The following SRSF7 variants were observed in gnomAD, a reference collection of about 807,000 sequenced individuals.
The protein encoded by SRSF7 is serine/arginine-rich splicing factor 7.
Under a neutral mutation model 42.2 loss-of-function variants are expected in SRSF7, and 15 were observed. The observed-to-expected ratio is 0.36, with a 90% CI of 0.24 to 0.55. SRSF7 has a LOEUF of 0.55. SRSF7 is among the 20% of genes least tolerant of loss of function. The pLI is 0.88. For synonymous variants in SRSF7, 138 were observed against 107.9 expected (o/e 1.28, Z -1.73); for missense variants, 181 against 305.9 (o/e 0.59, Z 3.04).
At chr2:38,748,484 C>T in intron 4 of SRSF7, 95 bp downstream of exon 4, 3 of 1,278,790 alleles carry the variant, frequency 2.3e-6, no homozygotes, top group East Asian at 4.6e-5. Context: ...CAGAGCAAGA[C>T]CCTGTCTCCA....
intron 5 of SRSF7, 47 bp downstream of exon 5, chr2:38,748,000 A>C (rs1667725339): frequency 7.4e-7 from 1 of 1,357,852 alleles, no homozygotes; most frequent in South Asian, 1.2e-5. Flanking sequence ...TCTACTGATA[A>C]GATGTGAACA....
At position 38,750,207 on chromosome 2, in the gene SRSF7, G is replaced by C. The variant is rs759550199; in HGVS notation, c.29-13C>G. On this transcript the variant is annotated splice_polypyrimidine_tract_variant and intron_variant, in intron 1 of 7. Coordinates refer to ENST00000313117, the MANE Select transcript of SRSF7 (RefSeq NM_001031684.3). ...TACACCTTGGTTTCTGTTTAAAAAC[G>C]CAAATAGAAGAATGCACGTTACGCA... 1.3e-6 allele frequency: 2 copies of C among 1,580,774 alleles called. No individual in the cohort carries two copies. The highest frequency in any genetic ancestry group is 1.2e-5 in the South Asian group (1 of 86,078).
chr2:38,746,565 A>C (rs983279873), intron 6 of SRSF7, 129 bp downstream of exon 6: 10 of 1,342,000 alleles, frequency 7.5e-6, no homozygotes, highest in African/African-American at 1.5e-5. Context: ...TACACAAATA[A>C]GGTACTGTGT....
Position 38,748,625 on chromosome 2 carries a change from T to C in SRSF7, c.415A>G (p.Arg139Gly). The part of the protein sequence containing the change: ...RSRSRSHSRS[R>G]GRRYSRSRSR... ...CGTGAGCGAGAGTATCGCCTTCCTC[T>C]GGATCGAGAATGTGATCTAGACCGT... Residue 139 changes from arginine (R) to glycine (G), a missense_variant, in exon 4 of 8, where the codon AGA becomes GGA. Coordinates refer to ENST00000313117, the MANE Select transcript of SRSF7 (RefSeq NM_001031684.3). 2 of 1,614,246 alleles carry C rather than the reference T, an allele frequency of 1.2e-6. No homozygotes were observed. The highest frequency in any genetic ancestry group is 1.7e-6 in the Non-Finnish European group (2 of 1,180,050).
chr2:38,746,869 T>C, intron 5 of SRSF7, 122 bp from the exon 6 acceptor site: 2 of 1,492,878 alleles, frequency 1.3e-6, no homozygotes, highest in Non-Finnish European at 1.8e-6. Context: ...GATGCAACAC[T>C]TGCCTTATTC....
chr2:38,750,136 C>T lies in SRSF7; in HGVS notation c.87G>A (p.Arg29=). The T allele has an allele frequency of 6.2e-7, 1 of 1,612,892 alleles. No individual in the cohort carries two copies. The highest frequency in any genetic ancestry group is 8.5e-7 in the Non-Finnish European group (1 of 1,179,520). The change falls in exon 2 of 8, where the codon AGG becomes AGA. Residue 29 remains arginine, a synonymous_variant. Coordinates refer to ENST00000313117, the MANE Select transcript of SRSF7 (RefSeq NM_001031684.3). ...GTGAGKGELE[R]AFSYYGPLRT... ...TTAAAGGACCATAATAACTGAAAGC[C>T]CTTTCTAACTCTCCTTTGCCAGCGC... is the stretch of plus-strand genomic sequence containing the variant.
Position 38,750,172 on chromosome 2 carries a change from G to A in SRSF7, c.51C>T (p.Asn17=). 23 of 1,610,432 alleles carry A rather than the reference G, an allele frequency of 1.4e-5. No individual in the cohort carries two copies. Among genetic ancestry groups the A allele is most frequent in the East Asian group, 2.2e-5 (1 of 44,716 alleles). The change falls in exon 2 of 8, where the codon AAC becomes AAT. Residue 17 remains asparagine, a synonymous_variant. Transcript: ENST00000313117. ...YGGETKVYVG[N]LGTGAGKGEL... is the part of the protein sequence containing the mutation. ...CTCCTTTGCCAGCGCCAGTTCCCAG[G>A]TTACCAACATACACCTTGGTTTCTG...
intron 1 of SRSF7, chr2:38,750,972 A>G (rs555034442): frequency 2.3e-6 from 1 of 427,712 alleles, no homozygotes; most frequent in African/African-American, 2.0e-5. Context: ...CAACGCGAAA[A>G]CCGTCATCTC....
chr2:38,743,981 A>C lies in SRSF7; in HGVS notation c.*1152T>G. The stretch of plus-strand genomic sequence containing the variant: ...TCTCAAAAGTAACTGTTACTGCCCT[A>C]CTATTCTTAAGATACTTAAAATTTG... On this transcript the variant is annotated 3_prime_UTR_variant, in exon 8 of 8. Transcript: ENST00000313117. The C allele has an allele frequency of 4.6e-5, 7 of 151,846 alleles. No homozygotes were observed. The highest frequency in any genetic ancestry group is 1.9e-4 in the East Asian group (1 of 5,188). 9.4% of individuals were successfully genotyped at this position (151,846 alleles called of 1,614,324 possible).
rs1667829839 is a variant in SRSF7, at chr2:38,748,559, TCA to T, written c.461+18_461+19del. ...AATTTAATAATAATACAGAAAGACT[TCA>T]GTTAAACAAGATCTCACCTTCGTCC... On this transcript the variant is annotated intron_variant, in intron 4 of 7. Transcript: ENST00000313117. 1 of 1,610,364 alleles carries T rather than the reference TCA, an allele frequency of 6.2e-7. No individual in the cohort carries two copies. The highest frequency in any genetic ancestry group is 8.5e-7 in the Non-Finnish European group (1 of 1,176,716).
At chr2:38,750,916 C>A (rs565571337) in intron 1 of SRSF7, 6,609 of 379,276 alleles carry the variant, frequency 0.017, 85 homozygotes, top group Non-Finnish European at 0.025. Flanking sequence ...GCAGCCGCCG[C>A]CGAGGGCGGG....
chr2:38,750,198 T>C lies in SRSF7; in HGVS notation c.29-4A>G, dbSNP rs970271360. ...TTACCAACATACACCTTGGTTTCTG[T>C]TTAAAAACGCAAATAGAAGAATGCA... On this transcript the variant is annotated splice_polypyrimidine_tract_variant and splice_region_variant and intron_variant, in intron 1 of 7. Coordinates refer to ENST00000313117, the MANE Select transcript of SRSF7 (RefSeq NM_001031684.3). 6.3e-7 allele frequency: 1 copy of C among 1,585,916 alleles called. No homozygotes were observed. The highest frequency in any genetic ancestry group is 1.4e-5 in the African/African-American group (1 of 73,082).
intron 1 of SRSF7, among the ~76,000 whole-genome samples, chr2:38,750,425 A>G (rs1279763733): frequency 1.3e-5 from 2 of 151,916 alleles, no homozygotes; most frequent in Non-Finnish European, 2.9e-5. Context: ...ACCCTCCCGA[A>G]CACAAGCAGA....
chr2:38,749,603 A>G lies in SRSF7; in HGVS notation c.312T>C (p.Asp104=). 4.4e-6 allele frequency: 7 copies of G among 1,606,748 alleles called. No individual in the cohort carries two copies. The African/African-American group carries it at 5.4e-5, about 12-fold the overall frequency. Residue 104 remains aspartate, a synonymous_variant, in exon 3 of 8, where the codon GAT becomes GAC. Transcript: ENST00000313117. ...CCTTTTCGCCACACTCATAGCATCT[A>G]TCATTTGGATCAAAGGGACGTCGGG... The part of the protein sequence containing the change: ...PPARRPFDPN[D]RCYECGEKGH...
At chr2:38,751,023 G>A (rs1374361780) in intron 1 of SRSF7, 4 of 603,634 alleles carry the variant, frequency 6.6e-6, no homozygotes, top group Non-Finnish European at 5.9e-6. Context: ...AAATGCCCAA[G>A]AGTACGGAAC....
intron 5 of SRSF7, among the ~76,000 whole-genome samples, chr2:38,747,541 T>C (rs1430558569): frequency 1.3e-5 from 2 of 152,200 alleles, no homozygotes; most frequent in Non-Finnish European, 2.9e-5. Flanking sequence ...CTCTGGTTCT[T>C]TAGTTTTTTC....
At position 38,749,051 on chromosome 2, in the gene SRSF7, C is replaced by T; in HGVS notation, c.387-398G>A. The T allele has an allele frequency of 4.3e-4, 558 of 1,305,380 alleles. 2 individuals carry two copies. Among genetic ancestry groups the T allele is most frequent in the Non-Finnish European group, 5.3e-4 (524 of 990,988 alleles). 80.9% of individuals were successfully genotyped at this position (1,305,380 alleles called of 1,614,324 possible). ...AATGAGCCAGGTGAGGCTTGATTGA[C>T]GCAAGAAGATTTTTCTAGTTGGGAA... On this transcript the variant is annotated intron_variant, in intron 3 of 7. Coordinates refer to ENST00000313117, the MANE Select transcript of SRSF7 (RefSeq NM_001031684.3).
chr2:38,748,373 C>A (rs1365282911), intron 4 of SRSF7, among the ~76,000 whole-genome samples: 2 of 151,932 alleles, frequency 1.3e-5, no homozygotes, highest in Admixed American at 1.3e-4. Context: ...GCCTACAGTC[C>A]CAGCTACTCG....
intron 7 of SRSF7, 69 bp from the exon 8 acceptor site, chr2:38,745,256 T>C (rs1184417210): frequency 6.5e-7 from 1 of 1,529,222 alleles, no homozygotes; most frequent in Non-Finnish European, 9.0e-7. Flanking sequence ...ATGTACTAAC[T>C]TTCAATAACT....
Sources: gnomAD v4.1 joint callset for allele counts (sites outside exome capture counted in the v4.1 genomes callset) on GRCh38, gnomAD v4.1.1 for gene constraint, MANE v1.5 for transcripts, NCBI Gene and HGNC (gene_info 2026-07-23, HGNC 2026-07-21) for gene names.